The following ARHGEF28 variants were observed in gnomAD, a reference collection of about 807,000 sequenced individuals.
The protein encoded by ARHGEF28 is 190 kDa guanine nucleotide exchange factor.
A neutral mutation model predicts 206.6 loss-of-function variants in ARHGEF28; 152 were observed. The observed-to-expected ratio is 0.74, with a 90% confidence interval of 0.64 to 0.84. The LOEUF is 0.84. Among genes scored for constraint, ARHGEF28 ranks in the 40% least tolerant of loss-of-function variants. The pLI is 0.00. For missense variants in ARHGEF28, 2,028 were observed against 2,073.2 expected, an observed-to-expected ratio of 0.98 and a Z score of 0.42; for synonymous variants, 763 against 776.4, an observed-to-expected ratio of 0.98 and a Z score of 0.29.
intron 6 of ARHGEF28, chr5:73,778,132 A>G (rs1436418085): frequency 1.3e-5 from 2 of 151,816 alleles, no homozygotes; most frequent in Admixed American, 6.6e-5. Flanking sequence ...GTTTCTCACC[A>G]AAGCACCAAG....
chr5:73,838,238 T>G (rs566853250), intron 10 of ARHGEF28, among the ~76,000 whole-genome samples: 1 of 140,872 alleles, frequency 7.1e-6, no homozygotes, highest in South Asian at 2.4e-4. Flanking sequence ...AATCACAAAG[T>G]CCATTATATT....
In ARHGEF28 at chr5:73,901,277, G is replaced by A. The variant is rs191329495; in HGVS notation, c.4067G>A (p.Gly1356Glu). ...VVTDLAVSDA[G>E]EKVECRNFPG... ...ACCGACTTGGCCGTCTCTGATGCAG[G>A]GGAGAAGGTATTGTGAACTGATTTG... Residue 1356 changes from glycine to glutamate, a missense_variant, in exon 31 of 36, where the codon GGG becomes GAG. By Grantham distance (98) the Gly-to-Glu change is moderately conservative (BLOSUM62 -2). Around this residue, in one of 3 missense-constraint regions of ARHGEF28, gnomAD observed 803 missense variants for 768.0 expected, o/e 1.05. Transcript: ENST00000513042. 3.1e-6 allele frequency: 5 copies of A among 1,612,738 alleles called. No individual in the cohort carries two copies. In the East Asian group the frequency reaches 1.1e-4, roughly 36 times the overall value.
At chr5:73,785,518 C>G (rs1003349133) in intron 7 of ARHGEF28, among the ~76,000 whole-genome samples, 6 of 152,116 alleles carry the variant, frequency 3.9e-5, no homozygotes, top group African/African-American at 1.4e-4. Context: ...TCACAGTGAT[C>G]TTGAATATTC....
intron 7 of ARHGEF28, among the ~76,000 whole-genome samples, chr5:73,787,394 T>G (rs1367278653): frequency 2.0e-5 from 3 of 152,206 alleles, no homozygotes; most frequent in African/African-American, 7.2e-5. Context: ...TCATTTAGTA[T>G]TATTATCATT....
At chr5:73,694,333 G>T (rs757984873) in intron 2 of ARHGEF28, among the ~76,000 whole-genome samples, 9 of 152,190 alleles carry the variant, frequency 5.9e-5, no homozygotes, top group Non-Finnish European at 1.2e-4. Flanking sequence ...AGGTCCGTGG[G>T]TAAGTAAGTG....
Position 73,940,843 on chromosome 5 carries a change from G to T in ARHGEF28, c.4949-1G>T, listed in dbSNP as rs536851189. 3 of 1,489,128 alleles carry T rather than the reference G, an allele frequency of 2.0e-6. No individual in the cohort carries two copies. In the South Asian group the frequency reaches 4.0e-5, roughly 20 times the overall value. The allele number at this position is 1,489,128 out of a possible 1,614,324, so 92.2% of individuals were successfully genotyped here. On this transcript the variant is annotated splice_acceptor_variant, in intron 35 of 35. Transcript: ENST00000513042. LOFTEE classifies it high-confidence loss of function. ...TAACCTGTGCTGTCTGTTTCTTGCA[G>T]ATTTGGACACCTCCCACACTGAGTC...
intron 2 of ARHGEF28, among the ~76,000 whole-genome samples, chr5:73,709,016 T>C (rs1749097189): frequency 3.9e-5 from 6 of 152,204 alleles, no homozygotes; most frequent in Admixed American, 3.9e-4. Context: ...TTCATGTCTT[T>C]TGCCCACTTT....
At chr5:73,871,174 C>T (rs528306823) in intron 21 of ARHGEF28, among the ~76,000 whole-genome samples, 1 of 152,294 alleles carries the variant, frequency 6.6e-6, no homozygotes, top group Non-Finnish European at 1.5e-5. Context: ...AGTATTCTAA[C>T]CCATTGGGTT....
chr5:73,880,829 G>C (rs1760873880), intron 22 of ARHGEF28, among the ~76,000 whole-genome samples: 1 of 152,110 alleles, frequency 6.6e-6, no homozygotes, highest in East Asian at 1.9e-4. Flanking sequence ...GCTATTTGTG[G>C]GCTGAGGTGG....
chr5:73,765,472 A>G (rs1327862176), intron 4 of ARHGEF28, among the ~76,000 whole-genome samples: 1 of 152,194 alleles, frequency 6.6e-6, no homozygotes, highest in Admixed American at 6.5e-5. Flanking sequence ...TCCACAGTGC[A>G]TTGTGTGGCC....
chr5:73,689,227 A>AT (rs750156922), intron 2 of ARHGEF28, among the ~76,000 whole-genome samples: 6 of 152,066 alleles, frequency 3.9e-5, no homozygotes, highest in African/African-American at 1.4e-4. Context: ...GTGCTGTAGA[A>AT]TTTTTTTGGC....
chr5:73,641,968 G>T (rs149269162), intron 1 of ARHGEF28, among the ~76,000 whole-genome samples: 5 of 152,318 alleles, frequency 3.3e-5, no homozygotes, highest in South Asian at 4.1e-4. Flanking sequence ...GCAGATAAGG[G>T]AACTAAGGAG....
At chr5:73,924,161 G>A (rs1038795882) in intron 35 of ARHGEF28, among the ~76,000 whole-genome samples, 12 of 152,124 alleles carry the variant, frequency 7.9e-5, no homozygotes, top group Admixed American at 5.2e-4. Context: ...TGAGCCTTAT[G>A]TACATTTATT....
In ARHGEF28 at chr5:73,940,841, C is replaced by A; in HGVS notation, c.4949-3C>A. 2 of 1,481,026 alleles carry A rather than the reference C, an allele frequency of 1.4e-6. No individual in the cohort carries two copies. Among genetic ancestry groups the A allele is most frequent in the East Asian group, 2.6e-5 (1 of 39,050 alleles). 91.7% of individuals were successfully genotyped at this position (1,481,026 alleles called of 1,614,324 possible). On this transcript the variant is annotated splice_region_variant and splice_polypyrimidine_tract_variant and intron_variant, in intron 35 of 35. Transcript: ENST00000513042. ...TGTAACCTGTGCTGTCTGTTTCTTG[C>A]AGATTTGGACACCTCCCACACTGAG...
intron 1 of ARHGEF28, among the ~76,000 whole-genome samples, chr5:73,668,878 T>G (rs191884910): frequency 6.6e-6 from 1 of 152,338 alleles, no homozygotes; most frequent in East Asian, 1.9e-4. Context: ...TTTAGTCTCA[T>G]GAAAATATAA....
intron 35 of ARHGEF28, among the ~76,000 whole-genome samples, chr5:73,920,525 C>T (rs1019486636): frequency 2.7e-5 from 4 of 150,018 alleles, no homozygotes; most frequent in Non-Finnish European, 5.9e-5. Context: ...ATTTGCTGTA[C>T]CTATCAACCC....
At chr5:73,922,723 T>G (rs772008314) in intron 35 of ARHGEF28, among the ~76,000 whole-genome samples, 1 of 152,252 alleles carries the variant, frequency 6.6e-6, no homozygotes, top group Non-Finnish European at 1.5e-5. Flanking sequence ...TTAATATATA[T>G]TCCATCTGAC....
chr5:73,747,554 C>T (rs1751791227), intron 2 of ARHGEF28, among the ~76,000 whole-genome samples: 4 of 152,120 alleles, frequency 2.6e-5, no homozygotes, highest in African/African-American at 9.7e-5. Context: ...TATTTTCTTT[C>T]CTTGTCTTCC....
chr5:73,876,816 G>A (rs1031541687), intron 22 of ARHGEF28, among the ~76,000 whole-genome samples: 15 of 150,000 alleles, frequency 1.0e-4, no homozygotes, highest in African/African-American at 2.5e-4. Context: ...TGCTGGATTC[G>A]GTTTGCCAGT....
Sources: allele counts gnomAD v4.1 joint callset (sites outside exome capture counted in the v4.1 genomes callset), GRCh38; gene constraint gnomAD v4.1.1; regional missense constraint gnomAD v4.1.1; transcripts MANE v1.5; gene names NCBI Gene and HGNC (gene_info 2026-07-23, HGNC 2026-07-21).